The following DMD variants were observed in gnomAD, a reference collection of about 807,000 sequenced individuals.
DMD encodes the protein mutant dystrophin.
Under a neutral mutation model 330.1 loss-of-function variants are expected in DMD, and 63 were observed. The observed-to-expected ratio is 0.19, with a 90% confidence interval of 0.16 to 0.24. The LOEUF (loss-of-function observed/expected upper bound fraction) is 0.24, where lower values mean the gene tolerates loss of function less well. Ranked by LOEUF, DMD falls within the 10% of genes least tolerant of loss-of-function variation. DMD has a pLI of 1.00. For missense variants in DMD, 3,344 were observed against 2,684.1 expected, an observed-to-expected ratio of 1.25 and a Z score of -5.43; for synonymous variants, 1,223 against 959.8, an observed-to-expected ratio of 1.27 and a Z score of -5.07.
At chrX:32,617,421 C>A (rs772030305) in intron 11 of DMD, among the ~76,000 whole-genome samples, 60 of 111,385 alleles carry the variant, frequency 5.4e-4, no homozygotes, top group Middle Eastern at 4.7e-3. Flanking sequence ...CATTTGCATT[C>A]AACTGATTTT....
intron 5 of DMD, among the ~76,000 whole-genome samples, chrX:32,822,717 ACACG>A (rs2078375151): frequency 9.0e-6 from 1 of 110,527 alleles, no homozygotes; most frequent in African/African-American, 3.3e-5. Flanking sequence ...ACACACACAC[ACACG>A]GGTGTGTGTC....
chrX:31,689,458 G>C (rs930121139), intron 52 of DMD, among the ~76,000 whole-genome samples: 3 of 111,139 alleles, frequency 2.7e-5, no homozygotes, highest in East Asian at 2.8e-4. Context: ...CACTGCTCAA[G>C]GAAATAAAAG....
intron 57 of DMD, among the ~76,000 whole-genome samples, chrX:31,487,905 T>TA (rs201228866): frequency 9.0e-6 from 1 of 111,172 alleles, no homozygotes; most frequent in Non-Finnish European, 1.9e-5. Flanking sequence ...GTTTTTTTTT[T>TA]AAAAATCTAA....
At chrX:31,371,111 G>A (rs1283260629) in intron 60 of DMD, among the ~76,000 whole-genome samples, 1 of 111,454 alleles carries the variant, frequency 9.0e-6, no homozygotes, top group East Asian at 2.8e-4. Context: ...TGACAATATT[G>A]ACGTCAAAAT....
intron 71 of DMD, among the ~76,000 whole-genome samples, chrX:31,174,068 G>T (rs983070528): frequency 9.0e-6 from 1 of 111,711 alleles, no homozygotes; most frequent in East Asian, 2.8e-4. Flanking sequence ...CTTCAAAGAG[G>T]CTACTCTAGT....
At chrX:32,967,818 T>A (rs1433840776) in intron 2 of DMD, among the ~76,000 whole-genome samples, 1 of 111,985 alleles carries the variant, frequency 8.9e-6, no homozygotes, top group Non-Finnish European at 1.9e-5. Flanking sequence ...TGGAGATAGT[T>A]CAACTGAATT....
At chrX:31,364,046 G>C (rs951293700) in intron 60 of DMD, among the ~76,000 whole-genome samples, 1 of 112,767 alleles carries the variant, frequency 8.9e-6, no homozygotes, top group Non-Finnish European at 1.9e-5. Context: ...ACAGACTATT[G>C]TCAGATCTGC....
intron 2 of DMD, among the ~76,000 whole-genome samples, chrX:32,940,054 A>C (rs1193732279): frequency 8.9e-6 from 1 of 111,915 alleles, no homozygotes; most frequent in African/African-American, 3.2e-5. Flanking sequence ...AGAACCAAAA[A>C]GGAGCCCAAA....
At chrX:31,217,140 GAA>G (rs57882538) in intron 64 of DMD, among the ~76,000 whole-genome samples, 53,223 of 110,446 alleles carry the variant, frequency 0.48, 9,856 homozygotes, top group East Asian at 0.71. Flanking sequence ...AAGGGAGAAA[GAA>G]AATGCTTAAA....
chrX:32,239,003 G>A (rs1293497871), intron 43 of DMD, among the ~76,000 whole-genome samples: 11 of 111,845 alleles, frequency 9.8e-5, no homozygotes, highest in Admixed American at 6.6e-4. Flanking sequence ...TTATTTGAAT[G>A]TTGGATTACA....
rs191649539 is a variant in DMD at position 31,462,679 on chromosome X, T to C, written c.8937+15427A>G. Among the ~76,000 whole-genome samples, 76 of 111,492 alleles carry C rather than the reference T, an allele frequency of 6.8e-4. No homozygotes were observed. In the East Asian group the frequency reaches 0.02, roughly 29 times the overall value. On this transcript the variant is annotated intron_variant, in intron 59 of 78. Transcript: ENST00000357033. ...TATAAATCACAGGCACCTAGACCCC[T>C]GTTCTCAGGGTCTGCGTTCATGGAA...
At chrX:32,671,022 C>A (rs1336967193) in intron 9 of DMD, among the ~76,000 whole-genome samples, 11 of 110,650 alleles carry the variant, frequency 9.9e-5, no homozygotes, top group Non-Finnish European at 7.6e-5. Flanking sequence ...CAAAGCATCG[C>A]AAAGATCCAC....
intron 43 of DMD, among the ~76,000 whole-genome samples, chrX:32,264,021 AGT>A (rs1348329596): frequency 8.9e-6 from 1 of 111,831 alleles, no homozygotes; most frequent in Non-Finnish European, 1.9e-5. Flanking sequence ...TCTTAAAGGC[AGT>A]GATAGGGTTT....
At chrX:33,241,091 T>G (rs947083293) in intron 1 of DMD, among the ~76,000 whole-genome samples, 3 of 111,722 alleles carry the variant, frequency 2.7e-5, no homozygotes, top group Admixed American at 9.5e-5. Flanking sequence ...ATATTTGGTT[T>G]TGTTTCCTGT....
In DMD at chrX:31,814,573, T is replaced by C. The variant is rs188707791; in HGVS notation, c.7309+5402A>G. ...CATATACAATGGGTTATTCATTCCA[T>C]AGTTATTACCAAGAGACATTTGAAT... On this transcript the variant is annotated intron_variant, in intron 50 of 78. Transcript: ENST00000357033. Among the ~76,000 whole-genome samples, 28 of 106,655 alleles carry C rather than the reference T, an allele frequency of 2.6e-4. 1 individual carries two copies. In the East Asian group the frequency reaches 5.8e-3, roughly 22 times the overall value. 92.6% of individuals were successfully genotyped at this position (106,655 alleles called of 115,157 possible). A position where few individuals can be genotyped will look rare whatever the true frequency, so the allele number is the denominator to read the frequency against.
chrX:33,112,589 C>T (rs1393246857), intron 1 of DMD, among the ~76,000 whole-genome samples: 1 of 111,130 alleles, frequency 9.0e-6, no homozygotes, highest in African/African-American at 3.3e-5. Context: ...ACCGTCCTAT[C>T]CCCCTTTGAA....
At chrX:32,634,040 A>G (rs1282249422) in intron 11 of DMD, among the ~76,000 whole-genome samples, 1 of 111,696 alleles carries the variant, frequency 9.0e-6, no homozygotes, top group African/African-American at 3.3e-5. Context: ...CTGGTGCTCT[A>G]TTCTACTGTG....
At chrX:32,724,132 C>A (rs948772824) in intron 7 of DMD, among the ~76,000 whole-genome samples, 3 of 112,193 alleles carry the variant, frequency 2.7e-5, no homozygotes, top group African/African-American at 6.5e-5. Flanking sequence ...TGCAATTCTA[C>A]TTCTTGAGGA....
At chrX:33,126,907 C>A (rs1009616631) in intron 1 of DMD, among the ~76,000 whole-genome samples, 34 of 111,294 alleles carry the variant, frequency 3.1e-4, no homozygotes, top group African/African-American at 1.1e-3. Context: ...ACTTCCAGGA[C>A]AATCTGATGA....
Sources: allele counts gnomAD v4.1 joint callset (sites outside exome capture counted in the v4.1 genomes callset), GRCh38; gene constraint gnomAD v4.1.1; transcripts MANE v1.5; gene names NCBI Gene and HGNC (gene_info 2026-07-23, HGNC 2026-07-21).